Variants in KLHL13 observed in about 807,000 individuals in gnomAD.
KLHL13 encodes kelch like family member 13, also known as kelch-like protein 13.
Under a neutral mutation model 37.1 loss-of-function variants are expected in KLHL13, and 10 were observed. That is an observed-to-expected ratio of 0.27 (90% confidence interval 0.17 to 0.46). The LOEUF is 0.46. KLHL13 is among the 20% of genes least tolerant of loss of function. The pLI is 1.00. For synonymous variants in KLHL13, 163 were observed against 181.2 expected, an observed-to-expected ratio of 0.90 and a Z score of 0.81; for missense variants, 360 against 509.3, an observed-to-expected ratio of 0.71 and a Z score of 2.82.
At chrX:118,071,157 T>A (rs2054859253) in intron 1 of KLHL13, among the ~76,000 whole-genome samples, 1 of 112,077 alleles carries the variant, frequency 8.9e-6, no homozygotes, top group African/African-American at 3.2e-5. Flanking sequence ...AGTCTATCAT[T>A]GTTAGACATT....
chrX:118,039,442 C>G (rs771789160), intron 1 of KLHL13, among the ~76,000 whole-genome samples: 16 of 111,870 alleles, frequency 1.4e-4, no homozygotes, highest in African/African-American at 5.2e-4. Flanking sequence ...TCACTGGTAG[C>G]TAGATAGTAC....
rs755333950 is a variant in KLHL13, at chrX:118,069,348, C to T, written c.-56+47160G>A. On this transcript the variant is annotated intron_variant, in intron 1 of 6. Coordinates refer to the KLHL13 transcript ENST00000371882. ...AGTGGAAGGCAGTGAAATTGATTAT[C>T]CTAACCCTGTGTAGGCCCAGGCTGA... Among the ~76,000 whole-genome samples the T allele has an allele frequency of 2.8e-5, 3 of 106,647 alleles. No individual in the cohort carries two copies. In the South Asian group the frequency reaches 1.3e-3, roughly 45 times the overall value. 92.6% of individuals were successfully genotyped at this position (106,647 alleles called of 115,157 possible). A position where few individuals can be genotyped will look rare whatever the true frequency, so the allele number is the denominator to read the frequency against.
intron 1 of KLHL13, chrX:117,985,255 T>C (rs2053710168): frequency 2.6e-6 from 3 of 1,144,086 alleles, no homozygotes; most frequent in East Asian, 6.5e-5. Flanking sequence ...AGCCCATTTT[T>C]CTCTTAAGGT....
intron 1 of KLHL13, among the ~76,000 whole-genome samples, chrX:118,058,574 C>G (rs186131491): frequency 8.9e-6 from 1 of 111,951 alleles, no homozygotes; most frequent in Non-Finnish European, 1.9e-5. Flanking sequence ...ATGCAACGTG[C>G]CCAAATGAAT....
At chrX:117,930,697 C>A (rs985829384) in intron 2 of KLHL13, among the ~76,000 whole-genome samples, 52 of 111,454 alleles carry the variant, frequency 4.7e-4, no homozygotes, top group African/African-American at 1.6e-3. Flanking sequence ...TAAAGATGCA[C>A]AGTCAATTCG....
intron 1 of KLHL13, among the ~76,000 whole-genome samples, chrX:117,948,354 C>G (rs965674387): frequency 1.8e-5 from 2 of 111,979 alleles, no homozygotes; most frequent in East Asian, 5.6e-4. Flanking sequence ...CCAAGGCTAC[C>G]TAACAGAATA....
upstream of KLHL13, chrX:117,973,842 TC>T: frequency 6.4e-6 from 2 of 313,827 alleles, no homozygotes; most frequent in South Asian, 3.5e-4. Context: ...CTCCCCTCCC[TC>T]CCCCGCAGAC....
intron 2 of KLHL13, among the ~76,000 whole-genome samples, chrX:117,920,653 C>A (rs760284388): frequency 6.3e-5 from 7 of 111,781 alleles, no homozygotes; most frequent in Admixed American, 2.8e-4. Context: ...CAGCTTTTAC[C>A]TTATTTTGAA....
chrX:117,991,846 ACTCTCTCTCTCT>A lies in KLHL13; in HGVS notation c.-55-46283_-55-46272del, dbSNP rs56373597. On this transcript the variant is annotated intron_variant, in intron 1 of 6. Coordinates refer to the KLHL13 transcript ENST00000371882. ...TCAAAATATCTTCTCCTACAGTGAA[ACTCTCTCTCTCT>A]CTCTCTCTCTCTCTCTCTCTCTCTC... is the stretch of plus-strand genomic sequence containing the variant. Among the ~76,000 whole-genome samples the A allele has an allele frequency of 8.9e-3, 566 of 63,428 alleles. 4 individuals are homozygous for A. Among genetic ancestry groups the A allele is most frequent in the African/African-American group, 0.024 (422 of 17,364 alleles). The allele number at this position is 63,428 out of a possible 115,157, so 55.1% of individuals were successfully genotyped here.
chrX:118,085,401 A>C (rs2148137188), intron 1 of KLHL13, among the ~76,000 whole-genome samples: 1 of 111,286 alleles, frequency 9.0e-6, no homozygotes, highest in East Asian at 2.8e-4. Flanking sequence ...ACTTTATTAT[A>C]GAACAAATGG....
intron 1 of KLHL13, among the ~76,000 whole-genome samples, chrX:118,005,403 T>A (rs750031705): frequency 9.0e-6 from 1 of 111,541 alleles, no homozygotes; most frequent in African/African-American, 3.3e-5. Context: ...GACATAGATA[T>A]AGGGTGTGGT....
intron 5 of KLHL13, among the ~76,000 whole-genome samples, chrX:117,902,913 C>T (rs1448129233): frequency 9.0e-6 from 1 of 110,754 alleles, no homozygotes. Flanking sequence ...AAGCACTACA[C>T]CAAGCTAAAA....
chrX:117,902,226 T>C, intron 5 of KLHL13, among the ~76,000 whole-genome samples: 1 of 111,544 alleles, frequency 9.0e-6, no homozygotes, highest in Non-Finnish European at 1.9e-5. Flanking sequence ...TGTAATCTGC[T>C]TACATATTTA....
intron 1 of KLHL13, among the ~76,000 whole-genome samples, chrX:118,067,420 C>A (rs1344372851): frequency 9.1e-6 from 1 of 109,906 alleles, no homozygotes; most frequent in Non-Finnish European, 1.9e-5. Context: ...TTTATCAACA[C>A]TGTACACTTA....
intron 1 of KLHL13, chrX:117,947,701 T>C (rs41300295): frequency 8.0e-5 from 9 of 112,210 alleles, no homozygotes; most frequent in African/African-American, 9.7e-5. Flanking sequence ...TTTATCAGTA[T>C]CTTTTGACTT....
rs778587553 is a variant in KLHL13 at position 118,048,545 on chromosome X, G to A, written c.-56+67963C>T. 3.6e-5 allele frequency among the ~76,000 whole-genome samples: 4 copies of A among 111,305 alleles called. No individual in the cohort carries two copies. In the South Asian group the frequency reaches 1.5e-3, roughly 42 times the overall value. ...ACACAGCTACATGGTGGCTACATGG[G>A]CAACTGTTATATTGTACTTTTCTGC... is the stretch of plus-strand genomic sequence containing the variant. On this transcript the variant is annotated intron_variant, in intron 1 of 6. Coordinates refer to the KLHL13 transcript ENST00000371882.
chrX:118,010,070 C>T (rs1287940926), intron 1 of KLHL13, among the ~76,000 whole-genome samples: 1 of 107,602 alleles, frequency 9.3e-6, no homozygotes, highest in African/African-American at 3.4e-5. Context: ...GAATGGTAAT[C>T]ATTAAAAAGT....
At chrX:118,019,014 A>G (rs1001629416) in intron 1 of KLHL13, among the ~76,000 whole-genome samples, 6 of 111,414 alleles carry the variant, frequency 5.4e-5, no homozygotes, top group African/African-American at 1.6e-4. Context: ...ATAGTTAAAC[A>G]AATTAATATA....
In KLHL13 at chrX:117,972,483, G is replaced by C. The variant is rs146804486; in HGVS notation, c.98+248C>G. ...AGTTAATTCTTTTGCAATTCCTTAGGTATGCCTTTGTACTTTCACACTGGT... is the reference window on the plus strand; with the variant it reads ...AGTTAATTCTTTTGCAATTCCTTAGCTATGCCTTTGTACTTTCACACTGGT... On this transcript the variant is annotated intron_variant, in intron 1 of 6. Coordinates refer to ENST00000262820, the Ensembl canonical transcript of KLHL13. 4.0e-3 allele frequency among the ~76,000 whole-genome samples: 454 copies of C among 112,519 alleles called. 12 individuals carry two copies. The East Asian group carries it at 0.093, about 23-fold the overall frequency.
Sources: gnomAD v4.1 joint callset for allele counts (sites outside exome capture counted in the v4.1 genomes callset) on GRCh38, gnomAD v4.1.1 for gene constraint, MANE v1.5 for transcripts, NCBI Gene and HGNC (gene_info 2026-07-23, HGNC 2026-07-21) for gene names.